Variants in GPC6 observed in about 807,000 individuals in gnomAD.
The protein encoded by GPC6 is glypican-6.
In GPC6, 14 loss-of-function variants were observed where a neutral mutation model predicts 55.2. That is an observed-to-expected ratio of 0.25 (90% CI 0.17 to 0.40). The LOEUF is 0.40. GPC6 is among the 10% of genes least tolerant of loss of function. The probability of loss-of-function intolerance (pLI) is 1.00; values close to 1 mark genes in which losing one functional copy is unlikely to be tolerated. For missense variants in GPC6, 641 were observed against 708.5 expected (o/e 0.90, Z 1.08); for synonymous variants, 278 against 259.6 (o/e 1.07, Z -0.68).
rs1377255867 is a variant in GPC6, at chr13:94,405,447, T to C, written c.*2230T>C. 6.6e-6 allele frequency: 1 copy of C among 152,214 alleles called. No homozygotes were observed. Among genetic ancestry groups the C allele is most frequent in the African/African-American group, 2.4e-5 (1 of 41,458 alleles). The allele number at this position is 152,214 out of a possible 1,614,324, so 9.4% of individuals were successfully genotyped here. On this transcript the variant is annotated 3_prime_UTR_variant, in exon 9 of 9. Transcript: ENST00000377047. Reference sequence around the variant, plus strand: ...GGTGCAATACAAATTAAATCAACCTTGATTTTCCAGACTATTTGAATAATA... The same window carrying C: ...GGTGCAATACAAATTAAATCAACCTCGATTTTCCAGACTATTTGAATAATA...
intron 1 of GPC6, among the ~76,000 whole-genome samples, chr13:93,343,506 C>T (rs1357242442): frequency 6.6e-6 from 1 of 152,182 alleles, no homozygotes; most frequent in East Asian, 1.9e-4. Context: ...GAACTGTTAC[C>T]TGCCTGTTAT....
chr13:94,312,299 A>T (rs553108462), intron 6 of GPC6, among the ~76,000 whole-genome samples: 24 of 152,378 alleles, frequency 1.6e-4, no homozygotes, highest in African/African-American at 5.5e-4. Flanking sequence ...TTAAGTACTT[A>T]CAAAAGATCA....
intron 3 of GPC6, among the ~76,000 whole-genome samples, chr13:93,858,926 A>T (rs531766348): frequency 6.6e-6 from 1 of 151,686 alleles, no homozygotes; most frequent in African/African-American, 2.4e-5. Flanking sequence ...GAGGATTATT[A>T]TCTAATACTA....
intron 1 of GPC6, among the ~76,000 whole-genome samples, chr13:93,329,687 C>T (rs1387572220): frequency 6.6e-6 from 1 of 151,874 alleles, no homozygotes; most frequent in Non-Finnish European, 1.5e-5. Context: ...TTTTGAGGTC[C>T]CTTATGGTAG....
Position 93,725,525 on chromosome 13 carries a change from G to GAA in GPC6, c.320-104626_320-104625dup, listed in dbSNP as rs1243974556. Among the ~76,000 whole-genome samples, 3 of 152,036 alleles carry GAA rather than the reference G, an allele frequency of 2.0e-5. No homozygotes were observed. In the East Asian group the frequency reaches 5.8e-4, roughly 30 times the overall value. On this transcript the variant is annotated intron_variant, in intron 2 of 8. Transcript: ENST00000377047. ...ATAGAGCTTGAAATAAAAAAGAGTAGAAAATTTTACTCCAAAAAAATAGAG... is the reference window on the plus strand; with the variant it reads ...ATAGAGCTTGAAATAAAAAAGAGTAGAAAAAATTTTACTCCAAAAAAATAGAG...
intron 4 of GPC6, among the ~76,000 whole-genome samples, chr13:94,238,274 TA>T (rs544974018): frequency 1.1e-3 from 162 of 152,258 alleles, no homozygotes; most frequent in Non-Finnish European, 2.1e-3. Context: ...ATCATTAGCA[TA>T]AAGACTATAT....
At chr13:93,871,391 C>A (rs1007508547) in intron 3 of GPC6, among the ~76,000 whole-genome samples, 1 of 151,934 alleles carries the variant, frequency 6.6e-6, no homozygotes, top group Non-Finnish European at 1.5e-5. Context: ...GGTAATACAA[C>A]ACAGATCAAA....
At chr13:93,576,178 A>G (rs1006647243) in intron 2 of GPC6, among the ~76,000 whole-genome samples, 1 of 152,098 alleles carries the variant, frequency 6.6e-6, no homozygotes, top group African/African-American at 2.4e-5. Flanking sequence ...GTGAGAGAAA[A>G]GATTTAAATT....
At chr13:94,019,747 T>G (rs1288028042) in intron 3 of GPC6, among the ~76,000 whole-genome samples, 1 of 152,214 alleles carries the variant, frequency 6.6e-6, no homozygotes, top group Non-Finnish European at 1.5e-5. Flanking sequence ...TAAAGTCTTA[T>G]TTGTAGGCTC....
At chr13:93,365,589 CATTTGTTAAT>C (rs760403796) in intron 1 of GPC6, among the ~76,000 whole-genome samples, 43 of 152,184 alleles carry the variant, frequency 2.8e-4, no homozygotes, top group Non-Finnish European at 5.0e-4. Flanking sequence ...AGTAGTGTCA[CATTTGTTAAT>C]GTAAATACCC....
chr13:94,046,160 C>T (rs1259090420), intron 4 of GPC6, among the ~76,000 whole-genome samples: 1 of 151,984 alleles, frequency 6.6e-6, no homozygotes, highest in African/African-American at 2.4e-5. Context: ...ATCTCCATGT[C>T]CCACCCACAG....
chr13:93,591,636 A>G (rs1455811927), intron 2 of GPC6, among the ~76,000 whole-genome samples: 1 of 152,204 alleles, frequency 6.6e-6, no homozygotes, highest in Non-Finnish European at 1.5e-5. Context: ...TTCAGAAGTC[A>G]GAATTTGTTT....
chr13:93,593,826 G>A (rs1877599798), intron 2 of GPC6, among the ~76,000 whole-genome samples: 1 of 152,044 alleles, frequency 6.6e-6, no homozygotes, highest in Non-Finnish European at 1.5e-5. Context: ...TTACATGTAT[G>A]CAGTGGAATT....
intron 1 of GPC6, among the ~76,000 whole-genome samples, chr13:93,323,390 C>G (rs140305578): frequency 0.015 from 2,279 of 152,292 alleles, 28 homozygotes; most frequent in Non-Finnish European, 0.023. Flanking sequence ...CCAATGGCCT[C>G]TCATAGAATG....
At chr13:93,368,985 G>A (rs1594124003) in intron 1 of GPC6, among the ~76,000 whole-genome samples, 1 of 151,882 alleles carries the variant, frequency 6.6e-6, no homozygotes, top group African/African-American at 2.4e-5. Flanking sequence ...CTCCCCATAT[G>A]GCCTTCACTG....
intron 3 of GPC6, among the ~76,000 whole-genome samples, chr13:93,983,781 T>TG (rs1207006361): frequency 1.2e-5 from 1 of 82,568 alleles, no homozygotes. Flanking sequence ...TTCATATTTT[T>TG]GTTAAAAAAA....
chr13:93,337,752 G>A (rs781225864), intron 1 of GPC6, among the ~76,000 whole-genome samples: 5 of 152,186 alleles, frequency 3.3e-5, no homozygotes, highest in African/African-American at 4.8e-5. Flanking sequence ...CAAAGAGAAC[G>A]AATTCTTTTA....
At chr13:94,191,501 C>T (rs1034211136) in intron 4 of GPC6, among the ~76,000 whole-genome samples, 4 of 151,802 alleles carry the variant, frequency 2.6e-5, no homozygotes, top group African/African-American at 7.3e-5. Context: ...GTACACTGCA[C>T]GGCATCAGGA....
At chr13:94,372,832 G>A (rs2139194767) in intron 6 of GPC6, among the ~76,000 whole-genome samples, 1 of 152,294 alleles carries the variant, frequency 6.6e-6, no homozygotes, top group East Asian at 1.9e-4. Context: ...GCTTTGAAGA[G>A]AGCAGTGGTT....
Sources: allele counts gnomAD v4.1 joint callset (sites outside exome capture counted in the v4.1 genomes callset), GRCh38; gene constraint gnomAD v4.1.1; transcripts MANE v1.5; gene names NCBI Gene and HGNC (gene_info 2026-07-23, HGNC 2026-07-21).